The following CCDC91 variants were observed in gnomAD, a reference collection of about 807,000 sequenced individuals.
CCDC91 encodes the protein coiled-coil domain containing 91, also known as coiled-coil domain-containing protein 91.
In CCDC91, 48 loss-of-function variants were observed where a neutral mutation model predicts 63.2. The observed-to-expected ratio is 0.76, with a 90% CI of 0.60 to 0.97. The LOEUF (loss-of-function observed/expected upper bound fraction) is 0.97. CCDC91 is among the 50% of genes least tolerant of loss of function. CCDC91 has a pLI of 0.00. For synonymous variants in CCDC91, 167 were observed against 165.8 expected (o/e 1.01, Z -0.06); for missense variants, 500 against 494.6 (o/e 1.01, Z -0.10).
intron 8 of CCDC91, among the ~76,000 whole-genome samples, chr12:28,432,717 A>G (rs563427018): frequency 2.0e-5 from 3 of 152,234 alleles, no homozygotes; most frequent in African/African-American, 7.2e-5. Context: ...TGAGTTTTCA[A>G]CTTATTTGGG....
In CCDC91 at chr12:28,313,486, A is replaced by C. The variant is rs1220138930; in HGVS notation, c.576+5737A>C. 2.0e-5 allele frequency among the ~76,000 whole-genome samples: 3 copies of C among 152,048 alleles called. No homozygotes were observed. In the East Asian group the frequency reaches 5.8e-4, roughly 29 times the overall value. On this transcript the variant is annotated intron_variant, in intron 6 of 12. Transcript: ENST00000536442. ...GAAAATCTACTCCTCTACTTAGGCC[A>C]GGTTTTGGATGTATCTGTCAGAATT...
At chr12:28,538,456 A>G (rs1592997156) in intron 12 of CCDC91, among the ~76,000 whole-genome samples, 1 of 152,110 alleles carries the variant, frequency 6.6e-6, no homozygotes, top group Admixed American at 6.5e-5. Context: ...TTATGGCTGC[A>G]TAGTATTCCA....
At chr12:28,521,009 G>A (rs576104196) in intron 12 of CCDC91, among the ~76,000 whole-genome samples, 1 of 152,142 alleles carries the variant, frequency 6.6e-6, no homozygotes, top group Non-Finnish European at 1.5e-5. Flanking sequence ...GTAGCATGAT[G>A]CCTCCAGCTT....
chr12:28,509,148 T>C (rs1939087182), intron 12 of CCDC91, among the ~76,000 whole-genome samples: 1 of 151,916 alleles, frequency 6.6e-6, no homozygotes, highest in Admixed American at 6.6e-5. Context: ...TCATGTAGTC[T>C]TTCTGGGGTG....
chr12:28,231,168 T>C (rs1944571474), intron 1 of CCDC91, among the ~76,000 whole-genome samples: 1 of 152,198 alleles, frequency 6.6e-6, no homozygotes, highest in Non-Finnish European at 1.5e-5. Flanking sequence ...GGTTTGTACA[T>C]GTGGGTTGTG....
In CCDC91 at chr12:28,274,398, G is replaced by A. The variant is rs560390943; in HGVS notation, c.109+14956G>A. ...TGAAGAAAGTCATTGGTACCTTGAT[G>A]GGGATGGCATTGAATCTATAAATTA... On this transcript the variant is annotated intron_variant, in intron 3 of 12. Coordinates refer to ENST00000536442, the MANE Select transcript of CCDC91 (RefSeq NM_018318.5). Among the ~76,000 whole-genome samples, 3 of 152,208 alleles carry A rather than the reference G, an allele frequency of 2.0e-5. No homozygotes were observed. The East Asian group carries it at 5.8e-4, about 29-fold the overall frequency.
intron 2 of CCDC91, among the ~76,000 whole-genome samples, chr12:28,257,506 A>T (rs1277938170): frequency 1.3e-5 from 2 of 152,278 alleles, no homozygotes; most frequent in East Asian, 3.9e-4. Flanking sequence ...CAGTGTAAGC[A>T]CTAAAGGAAA....
rs777350549 is a variant in CCDC91 at position 28,549,225 on chromosome 12, A to C, written c.*52A>C. On this transcript the variant is annotated 3_prime_UTR_variant, in exon 13 of 13. Coordinates refer to ENST00000536442, the MANE Select transcript of CCDC91 (RefSeq NM_018318.5). ...ATTGGATAAATCATATTACACCTTC[A>C]AAATACACACTCTGAATTATAAAGA... 1.7e-5 allele frequency: 16 copies of C among 927,404 alleles called. 1 individual carries two copies. The highest frequency in any genetic ancestry group is 1.4e-4 in the South Asian group (10 of 74,018). The allele number at this position is 927,404 out of a possible 1,614,324, so 57.4% of individuals were successfully genotyped here.
intron 12 of CCDC91, among the ~76,000 whole-genome samples, chr12:28,520,530 A>T (rs1940511785): frequency 6.6e-6 from 1 of 151,930 alleles, no homozygotes; most frequent in African/African-American, 2.4e-5. Context: ...TTGCCTGTTC[A>T]CTCTGATGGT....
intron 8 of CCDC91, among the ~76,000 whole-genome samples, chr12:28,393,489 T>C (rs1946083557): frequency 6.6e-6 from 1 of 152,184 alleles, no homozygotes; most frequent in Non-Finnish European, 1.5e-5. Context: ...TCTCCTATTT[T>C]ATTGCAGAGA....
chr12:28,291,714 G>A (rs1417080041), intron 3 of CCDC91, among the ~76,000 whole-genome samples: 2 of 152,194 alleles, frequency 1.3e-5, no homozygotes, highest in Non-Finnish European at 2.9e-5. Flanking sequence ...TAGAATAAGA[G>A]AAGACAACAC....
intron 12 of CCDC91, among the ~76,000 whole-genome samples, chr12:28,489,196 AG>A (rs1374597215): frequency 6.6e-6 from 1 of 151,916 alleles, no homozygotes; most frequent in Non-Finnish European, 1.5e-5. Context: ...CTTATGCCTC[AG>A]GGTAACTAGA....
chr12:28,296,568 T>C (rs1949576609), intron 3 of CCDC91, among the ~76,000 whole-genome samples: 2 of 151,926 alleles, frequency 1.3e-5, no homozygotes, highest in Admixed American at 6.6e-5. Flanking sequence ...TTCCTTCAAT[T>C]TCCAACCTAG....
chr12:28,275,400 A>C (rs1259021749), intron 3 of CCDC91, among the ~76,000 whole-genome samples: 4 of 152,042 alleles, frequency 2.6e-5, no homozygotes, highest in South Asian at 2.1e-4. Flanking sequence ...CGACACATAC[A>C]CCCTCCCAAG....
intron 1 of CCDC91, among the ~76,000 whole-genome samples, chr12:28,191,908 G>A (rs1268928141): frequency 1.3e-5 from 2 of 152,172 alleles, no homozygotes; most frequent in East Asian, 3.8e-4. Context: ...CCTCCAGGCT[G>A]CCTAGGAGGG....
intron 6 of CCDC91, among the ~76,000 whole-genome samples, chr12:28,335,961 A>AC (rs1487287942): frequency 6.6e-6 from 1 of 151,622 alleles, no homozygotes; most frequent in Admixed American, 6.6e-5. Flanking sequence ...TTAAAAAAAA[A>AC]CCACACAATT....
At chr12:28,443,566 G>A (rs1271522232) in intron 8 of CCDC91, among the ~76,000 whole-genome samples, 1 of 152,022 alleles carries the variant, frequency 6.6e-6, no homozygotes, top group African/African-American at 2.4e-5. Context: ...GGAAGCAACA[G>A]ATGGATGGCA....
intron 12 of CCDC91, chr12:28,505,529 CT>C (rs1286543672): frequency 6.6e-6 from 1 of 151,904 alleles, no homozygotes; most frequent in African/African-American, 2.4e-5. Flanking sequence ...GTTAAAGCAT[CT>C]GTAAAGCAAA....
intron 1 of CCDC91, among the ~76,000 whole-genome samples, chr12:28,202,026 G>A (rs1321901860): frequency 1.3e-5 from 2 of 151,582 alleles, no homozygotes; most frequent in South Asian, 2.1e-4. Flanking sequence ...GGGAGAGGGA[G>A]AGGGTTTTCT....
Sources: allele counts gnomAD v4.1 joint callset (sites outside exome capture counted in the v4.1 genomes callset), GRCh38; gene constraint gnomAD v4.1.1; transcripts MANE v1.5; gene names NCBI Gene and HGNC (gene_info 2026-07-23, HGNC 2026-07-21).